Variants in SETD5 observed in about 807,000 individuals in gnomAD.
SETD5 encodes SET domain containing 5.
In SETD5, 44 loss-of-function variants were observed where a neutral mutation model predicts 153.3. The ratio of observed to expected loss-of-function variants is 0.29; its 90% CI spans 0.23 to 0.37. The LOEUF (loss-of-function observed/expected upper bound fraction) is 0.37, where lower values mean the gene tolerates loss of function less well. Ranked by LOEUF, SETD5 falls within the 10% of genes least tolerant of loss-of-function variation. SETD5 has a pLI of 1.00. For synonymous variants in SETD5, 716 were observed against 645.2 expected, an observed-to-expected ratio of 1.11 and a Z score of -1.66; for missense variants, 1,544 against 1,768.0, an observed-to-expected ratio of 0.87 and a Z score of 2.27.
At position 9,445,104 on chromosome 3, in the gene SETD5, AAAG is replaced by A; in HGVS notation, c.1245_1247del (p.Arg416del). 1 of 1,613,984 alleles carries A rather than the reference AAAG, an allele frequency of 6.2e-7. No individual in the cohort carries two copies. The highest frequency in any genetic ancestry group is 8.5e-7 in the Non-Finnish European group (1 of 1,179,880). On this transcript the variant is annotated inframe_deletion, in exon 12 of 23. Transcript: ENST00000402198. ...GGAAACCGGAATTGTCCTATACAAA[AAAG>A]GAATCCTAATGCTACAGAACTGCCA...
chr3:9,475,430 C>A, intron 22 of SETD5, 53 bp from the exon 23 acceptor site: 1 of 1,553,352 alleles, frequency 6.4e-7, no homozygotes, highest in Non-Finnish European at 8.7e-7. Flanking sequence ...TGTTCACCAG[C>A]CATTTAAGGG....
At chr3:9,463,368 A>G (rs1252499109) in intron 17 of SETD5, among the ~76,000 whole-genome samples, 1 of 152,200 alleles carries the variant, frequency 6.6e-6, no homozygotes, top group Non-Finnish European at 1.5e-5. Flanking sequence ...AATAGAATGT[A>G]TGATGACCAT....
Position 9,474,478 on chromosome 3 carries a change from G to T in SETD5, c.3527G>T (p.Arg1176Leu). 1 of 1,613,978 alleles carries T rather than the reference G, an allele frequency of 6.2e-7. No homozygotes were observed. The highest frequency in any genetic ancestry group is 8.5e-7 in the Non-Finnish European group (1 of 1,179,872). Residue 1176 changes from arginine (R) to leucine (L), a missense_variant, in exon 21 of 23, where the codon CGA becomes CTA. By Grantham distance (102) the Arg-to-Leu change is moderately radical. This residue lies in a region of SETD5 where 38 missense variants were observed against 71.4 expected (regional missense o/e 0.53). Coordinates refer to ENST00000402198, the MANE Select transcript of SETD5 (RefSeq NM_001080517.3). The stretch of plus-strand genomic sequence containing the variant: ...GTTCCCACATCAGTAGAACGACTCC[G>T]AGAAGGAGGGAGCATCCCCAAGGTC... ...WMVPTSVERL[R>L]EGGSIPKVLR... is the part of the protein sequence containing the mutation.
intron 1 of SETD5, among the ~76,000 whole-genome samples, chr3:9,417,369 T>C (rs1644124461): frequency 1.3e-5 from 2 of 152,190 alleles, no homozygotes; most frequent in Admixed American, 1.3e-4. Flanking sequence ...GGCCAGGGCA[T>C]GGATTTGGAC....
chr3:9,464,831 G>A (rs1250564603), intron 18 of SETD5, 159 bp downstream of exon 18: 6 of 1,155,188 alleles, frequency 5.2e-6, no homozygotes, highest in Admixed American at 4.3e-5. Context: ...CCTGTTACCT[G>A]GTAGCCTCTC....
At chr3:9,433,367 C>T (rs1432858522) in intron 3 of SETD5, 1 of 1,289,640 alleles carries the variant, frequency 7.8e-7, no homozygotes, top group Admixed American at 2.3e-5. Flanking sequence ...GTACTTTCTT[C>T]AGGGTATCCT....
intron 17 of SETD5, among the ~76,000 whole-genome samples, chr3:9,460,287 T>C (rs982764619): frequency 6.6e-6 from 1 of 151,456 alleles, no homozygotes; most frequent in African/African-American, 2.4e-5. Context: ...TAAAGAACTC[T>C]GGAGAGTAAA....
At chr3:9,446,306 A>AAAAAAAAAAAC (rs1553624517) in intron 13 of SETD5, among the ~76,000 whole-genome samples, 1 of 120,178 alleles carries the variant, frequency 8.3e-6, no homozygotes, top group Non-Finnish European at 1.6e-5. Context: ...AAAAAAAAAA[A>AAAAAAAAAAAC]AATCTGGTTT....
intron 14 of SETD5, 121 bp downstream of exon 14, chr3:9,447,428 C>T (rs2042145375): frequency 7.3e-7 from 1 of 1,366,836 alleles, no homozygotes; most frequent in Non-Finnish European, 9.9e-7. Flanking sequence ...TAAATAAGGC[C>T]ATTAACTGTT....
At chr3:9,452,580 TC>T (rs1317525882) in intron 16 of SETD5, among the ~76,000 whole-genome samples, 1 of 142,450 alleles carries the variant, frequency 7.0e-6, no homozygotes, top group Non-Finnish European at 1.5e-5. Flanking sequence ...TGTTCACTCT[TC>T]CTTCCAAGTG....
chr3:9,462,241 C>G (rs2044039561), intron 17 of SETD5, among the ~76,000 whole-genome samples: 1 of 152,206 alleles, frequency 6.6e-6, no homozygotes, highest in African/African-American at 2.4e-5. Flanking sequence ...ATAAATGTCA[C>G]TCCTTCCATC....
At chr3:9,415,357 A>G (rs937830335) in intron 1 of SETD5, among the ~76,000 whole-genome samples, 5 of 152,168 alleles carry the variant, frequency 3.3e-5, no homozygotes, top group Admixed American at 1.3e-4. Context: ...TTTGTAATAT[A>G]TAAGTTAAAT....
At chr3:9,414,357 G>A (rs746813517) in intron 1 of SETD5, among the ~76,000 whole-genome samples, 32 of 152,214 alleles carry the variant, frequency 2.1e-4, no homozygotes, top group Non-Finnish European at 4.3e-4. Flanking sequence ...TCATTGAAGA[G>A]CCATTGGTCG....
chr3:9,425,364 G>A (rs936683097), intron 2 of SETD5, among the ~76,000 whole-genome samples: 1 of 151,986 alleles, frequency 6.6e-6, no homozygotes, highest in Non-Finnish European at 1.5e-5. Flanking sequence ...GCACCGGGCT[G>A]ACTTAATGTT....
intron 18 of SETD5, among the ~76,000 whole-genome samples, chr3:9,466,287 C>CAAAAAAAA (rs146498301): frequency 9.0e-4 from 57 of 63,082 alleles, no homozygotes; most frequent in Non-Finnish European, 1.5e-3. Flanking sequence ...GACTCCGTCT[C>CAAAAAAAA]AAAAAAAAAA....
chr3:9,431,832 C>A, intron 3 of SETD5: 1 of 591,682 alleles, frequency 1.7e-6, no homozygotes, highest in Non-Finnish European at 2.1e-6. Context: ...TGTCCCCCTC[C>A]CACCAAAAAA....
Position 9,476,194 on chromosome 3 carries a change from C to T in SETD5, c.*103C>T. ...GCATATTGCTGAGGAACGGGGGGTA[C>T]AAGGTGCCAGAGGATTGGGTCTGGT... On this transcript the variant is annotated 3_prime_UTR_variant, in exon 23 of 23. Transcript: ENST00000402198. 2 of 1,439,542 alleles carry T rather than the reference C, an allele frequency of 1.4e-6. No individual in the cohort carries two copies. The highest frequency in any genetic ancestry group is 1.8e-6 in the Non-Finnish European group (2 of 1,083,348). 89.2% of individuals were successfully genotyped at this position (1,439,542 alleles called of 1,614,324 possible). A position where few individuals can be genotyped will look rare whatever the true frequency, so the allele number is the denominator to read the frequency against.
In SETD5 at chr3:9,476,600, A is replaced by G. The variant is rs1172698519; in HGVS notation, c.*509A>G. 6.5e-6 allele frequency: 1 copy of G among 154,012 alleles called. No homozygotes were observed. Among genetic ancestry groups the G allele is most frequent in the Non-Finnish European group, 1.4e-5 (1 of 68,978 alleles). The allele number at this position is 154,012 out of a possible 1,614,324, so 9.5% of individuals were successfully genotyped here. A position where few individuals can be genotyped will look rare whatever the true frequency, so the allele number is the denominator to read the frequency against. On this transcript the variant is annotated 3_prime_UTR_variant, in exon 23 of 23. Coordinates refer to ENST00000402198, the MANE Select transcript of SETD5 (RefSeq NM_001080517.3). ...TGTAAATGTTCATCCTAAGACAACC[A>G]TTCCAAAAGCAGGTATCTGGCCAAT...
At chr3:9,471,043 T>C (rs1352491448) in intron 19 of SETD5, 114 bp downstream of exon 19, 2 of 623,506 alleles carry the variant, frequency 3.2e-6, no homozygotes, top group Non-Finnish European at 5.6e-6. Flanking sequence ...AAGTGAGACA[T>C]AGTCTCTGCC....
Sources: allele counts gnomAD v4.1 joint callset (sites outside exome capture counted in the v4.1 genomes callset), GRCh38; gene constraint gnomAD v4.1.1; regional missense constraint gnomAD v4.1.1; transcripts MANE v1.5; gene names NCBI Gene and HGNC (gene_info 2026-07-23, HGNC 2026-07-21).